Variants in TECRL observed in about 807,000 individuals in gnomAD.
TECRL encodes trans-2,3-enoyl-CoA reductase like.
A neutral mutation model predicts 52.8 loss-of-function variants in TECRL; 63 were observed. The ratio of observed to expected loss-of-function variants is 1.19; its 90% confidence interval spans 0.97 to 1.47. The LOEUF (loss-of-function observed/expected upper bound fraction) is 1.47. Among genes scored for constraint, TECRL ranks in the 40% most tolerant of loss-of-function variants. The probability of loss-of-function intolerance (pLI) is 0.00; values close to 1 mark genes in which losing one functional copy is unlikely to be tolerated. For missense variants in TECRL, 482 were observed against 429.6 expected, an observed-to-expected ratio of 1.12 and a Z score of -1.08; for synonymous variants, 164 against 141.9, an observed-to-expected ratio of 1.16 and a Z score of -1.10.
At chr4:64,365,712 G>C (rs1055013309) in intron 2 of TECRL, among the ~76,000 whole-genome samples, 1 of 151,858 alleles carries the variant, frequency 6.6e-6, no homozygotes, top group African/African-American at 2.4e-5. Flanking sequence ...ACAAAACACT[G>C]CTGAAGGCAA....
At chr4:64,320,645 T>G (rs1470997143) in intron 4 of TECRL, among the ~76,000 whole-genome samples, 1 of 152,014 alleles carries the variant, frequency 6.6e-6, no homozygotes, top group Non-Finnish European at 1.5e-5. Flanking sequence ...AAGCTGAAAT[T>G]TCTAATGATT....
At chr4:64,310,671 A>G (rs538184524) in intron 5 of TECRL, among the ~76,000 whole-genome samples, 11 of 152,298 alleles carry the variant, frequency 7.2e-5, no homozygotes, top group African/African-American at 2.6e-4. Context: ...TGAAATCTCA[A>G]AAACTTTGGT....
chr4:64,330,480 A>C (rs1718562167), intron 2 of TECRL, among the ~76,000 whole-genome samples: 3 of 152,082 alleles, frequency 2.0e-5, no homozygotes, highest in Admixed American at 1.3e-4. Flanking sequence ...AATATATCTC[A>C]AGTAAAAAAG....
Position 64,300,007 on chromosome 4 carries a change from G to C in TECRL, c.741C>G (p.Asn247Lys). Residue 247 changes from asparagine (N) to lysine (K), a missense_variant, in exon 8 of 12, where the codon AAC (asparagine) becomes AAG (lysine). Transcript: ENST00000381210. ...HPLYTPPSFG[N>K]RQITVSAINF... ...TGATAGCAGATACTGTGATTTGCCT[G>C]TTTCCAAATGCTGGAGAGTAGAAAA... 6.3e-7 allele frequency: 1 copy of C among 1,577,372 alleles called. No homozygotes were observed. The highest frequency in any genetic ancestry group is 1.4e-5 in the African/African-American group (1 of 73,860).
At chr4:64,371,105 G>T (rs990110484) in intron 2 of TECRL, among the ~76,000 whole-genome samples, 13 of 151,676 alleles carry the variant, frequency 8.6e-5, no homozygotes, top group African/African-American at 3.1e-4. Flanking sequence ...ATAACTGATG[G>T]ATGGCTGTAG....
At chr4:64,294,631 G>T (rs923006649) in intron 8 of TECRL, among the ~76,000 whole-genome samples, 8 of 152,182 alleles carry the variant, frequency 5.3e-5, no homozygotes, top group African/African-American at 1.4e-4. Flanking sequence ...GAATCTTCAA[G>T]AAAGCATGCT....
At chr4:64,408,288 C>T (rs1343622997) in intron 1 of TECRL, among the ~76,000 whole-genome samples, 2 of 151,764 alleles carry the variant, frequency 1.3e-5, no homozygotes, top group South Asian at 2.1e-4. Context: ...GCAACAAAAA[C>T]GTATTCAATA....
At chr4:64,407,303 C>A (rs958032900) in intron 1 of TECRL, among the ~76,000 whole-genome samples, 1 of 151,946 alleles carries the variant, frequency 6.6e-6, no homozygotes, top group South Asian at 2.1e-4. Flanking sequence ...GACTCCCATG[C>A]AAAATTGCAA....
intron 2 of TECRL, among the ~76,000 whole-genome samples, chr4:64,355,138 T>C (rs976479240): frequency 1.3e-5 from 2 of 152,004 alleles, no homozygotes; most frequent in Admixed American, 1.3e-4. Context: ...TTCAGAGGCC[T>C]CAAAGGAAAC....
intron 2 of TECRL, among the ~76,000 whole-genome samples, chr4:64,360,327 T>G (rs557610257): frequency 1.3e-5 from 2 of 152,140 alleles, no homozygotes; most frequent in African/African-American, 4.8e-5. Context: ...TAAAGTTGAG[T>G]AATAATTTCT....
chr4:64,341,859 G>C (rs1363033563), intron 2 of TECRL, among the ~76,000 whole-genome samples: 1 of 152,210 alleles, frequency 6.6e-6, no homozygotes, highest in Non-Finnish European at 1.5e-5. Context: ...TAACACCCAT[G>C]CTGGCACCTG....
At chr4:64,303,919 TC>T (rs2109983678) in intron 7 of TECRL, among the ~76,000 whole-genome samples, 1 of 151,986 alleles carries the variant, frequency 6.6e-6, no homozygotes, top group East Asian at 1.9e-4. Context: ...CCTAATTGTA[TC>T]TTATGCATTT....
rs572486431 is a variant in TECRL, at chr4:64,305,747, T to G, written c.658-509A>C. Among the ~76,000 whole-genome samples, 30 of 152,252 alleles carry G rather than the reference T, an allele frequency of 2.0e-4. No homozygotes were observed. In the South Asian group the frequency reaches 2.1e-3, roughly 11 times the overall value. On this transcript the variant is annotated intron_variant, in intron 6 of 11. Transcript: ENST00000381210. ...AGGCACTCATGAGTAATAACCAAGA[T>G]GGAGTAGCTATAGCCAAACCCAGGC...
chr4:64,319,503 A>G (rs1410204024), intron 4 of TECRL, among the ~76,000 whole-genome samples: 1 of 151,892 alleles, frequency 6.6e-6, no homozygotes, highest in Non-Finnish European at 1.5e-5. Context: ...TTCTGCTAAG[A>G]TGATGAAAAG....
In TECRL at chr4:64,314,671, T is replaced by C. The variant is rs148868064; in HGVS notation, c.528A>G (p.Arg176=). ...ACTGTACCACTGGGTGGCGTAATCT[T>C]CTAGCACTCTCTTTTCCATCATATA... ...PCIYDGKESA[R]RLRHPVVHLA... Residue 176 remains arginine (R), a synonymous_variant, in exon 5 of 12, where the codon AGA becomes AGG. Coordinates refer to ENST00000381210, the MANE Select transcript of TECRL (RefSeq NM_001010874.5). The C allele has an allele frequency of 2.6e-4, 414 of 1,612,080 alleles. 2 individuals carry two copies. The African/African-American group carries it at 4.2e-3, about 16-fold the overall frequency.
At chr4:64,319,653 C>A (rs1210147756) in intron 4 of TECRL, among the ~76,000 whole-genome samples, 1 of 151,822 alleles carries the variant, frequency 6.6e-6, no homozygotes, top group Non-Finnish European at 1.5e-5. Flanking sequence ...CCCTAATATT[C>A]ATTGCAGCTT....
intron 2 of TECRL, among the ~76,000 whole-genome samples, chr4:64,364,750 T>C (rs1374910729): frequency 2.0e-5 from 3 of 151,840 alleles, no homozygotes; most frequent in African/African-American, 4.8e-5. Context: ...AAATCCAAAA[T>C]TGAATCAGGA....
chr4:64,367,913 T>C (rs1187198257), intron 2 of TECRL, among the ~76,000 whole-genome samples: 6 of 151,694 alleles, frequency 4.0e-5, no homozygotes, highest in Non-Finnish European at 8.8e-5. Context: ...GGGAAGGGAG[T>C]TCATAATTTA....
chr4:64,407,138 G>T (rs1176411501), intron 1 of TECRL, among the ~76,000 whole-genome samples: 1 of 151,894 alleles, frequency 6.6e-6, no homozygotes, highest in African/African-American at 2.4e-5. Context: ...AGACATCAAA[G>T]ATTTGAATGC....
Sources: allele counts gnomAD v4.1 joint callset (sites outside exome capture counted in the v4.1 genomes callset), GRCh38; gene constraint gnomAD v4.1.1; transcripts MANE v1.5; gene names NCBI Gene and HGNC (gene_info 2026-07-23, HGNC 2026-07-21).